GABBR2: variants seen among roughly 807,000 people sequenced by gnomAD.
The protein encoded by GABBR2 is G-protein coupled receptor 51.
In GABBR2, 23 loss-of-function variants were observed where a neutral mutation model predicts 105.6. That is an observed-to-expected ratio of 0.22 (90% CI 0.16 to 0.31). The LOEUF is 0.31. Ranked by LOEUF, GABBR2 falls within the 10% of genes least tolerant of loss-of-function variation. The probability of loss-of-function intolerance (pLI) is 1.00; values close to 1 mark genes in which losing one functional copy is unlikely to be tolerated. For missense variants in GABBR2, 734 were observed against 1,245.5 expected, an observed-to-expected ratio of 0.59 and a Z score of 6.18; for synonymous variants, 478 against 499.7, an observed-to-expected ratio of 0.96 and a Z score of 0.58.
intron 2 of GABBR2, among the ~76,000 whole-genome samples, chr9:98,561,172 T>C (rs1380786113): frequency 6.6e-6 from 1 of 152,204 alleles, no homozygotes; most frequent in African/African-American, 2.4e-5. Context: ...CAATATGGAC[T>C]TTTTAAGAAT....
At chr9:98,504,949 T>G (rs11789969) in intron 3 of GABBR2, among the ~76,000 whole-genome samples, 1 of 151,984 alleles carries the variant, frequency 6.6e-6, no homozygotes, top group Non-Finnish European at 1.5e-5. Context: ...CCTGGAGAGG[T>G]GTAGACCAAA....
intron 12 of GABBR2, among the ~76,000 whole-genome samples, chr9:98,366,141 T>C (rs1831672031): frequency 6.6e-6 from 1 of 152,216 alleles, no homozygotes; most frequent in Admixed American, 6.5e-5. Flanking sequence ...TTTCCTCATC[T>C]AGAACATGGG....
At chr9:98,616,055 A>AT (rs1829578358) in intron 1 of GABBR2, among the ~76,000 whole-genome samples, 2 of 152,244 alleles carry the variant, frequency 1.3e-5, no homozygotes, top group East Asian at 3.8e-4. Context: ...ATAAATTACT[A>AT]TTTCCATCTT....
intron 1 of GABBR2, among the ~76,000 whole-genome samples, chr9:98,587,499 A>G (rs1027564743): frequency 6.6e-6 from 1 of 152,236 alleles, no homozygotes; most frequent in Non-Finnish European, 1.5e-5. Context: ...CAACCAAAAG[A>G]TGAATCAAAA....
At chr9:98,641,355 C>T (rs2131837188) in intron 1 of GABBR2, among the ~76,000 whole-genome samples, 1 of 148,510 alleles carries the variant, frequency 6.7e-6, no homozygotes, top group Non-Finnish European at 1.5e-5. Flanking sequence ...TCAGGCTGGT[C>T]TCGAACTCCT....
At chr9:98,427,357 T>C (rs1288379410) in intron 7 of GABBR2, among the ~76,000 whole-genome samples, 2 of 152,240 alleles carry the variant, frequency 1.3e-5, no homozygotes, top group South Asian at 2.1e-4. Context: ...CGTGAACTGC[T>C]AGAGAATTCA....
At chr9:98,291,091 G>A (rs1292699031) in intron 18 of GABBR2, among the ~76,000 whole-genome samples, 1 of 152,154 alleles carries the variant, frequency 6.6e-6, no homozygotes, top group East Asian at 1.9e-4. Context: ...TAAACCCATT[G>A]TAAGTTGAAA....
At chr9:98,660,501 T>C (rs529488878) in intron 1 of GABBR2, among the ~76,000 whole-genome samples, 2 of 152,380 alleles carry the variant, frequency 1.3e-5, no homozygotes, top group African/African-American at 4.8e-5. Flanking sequence ...ACTGCCTTTA[T>C]TGGCCAATTG....
intron 2 of GABBR2, among the ~76,000 whole-genome samples, chr9:98,565,955 C>T (rs931041388): frequency 6.6e-6 from 1 of 152,202 alleles, no homozygotes; most frequent in Non-Finnish European, 1.5e-5. Context: ...CACATGCACC[C>T]GTGTGTCTGT....
intron 1 of GABBR2, among the ~76,000 whole-genome samples, chr9:98,641,358 G>A (rs1321693815): frequency 2.0e-5 from 3 of 148,702 alleles, no homozygotes; most frequent in Non-Finnish European, 4.4e-5. Flanking sequence ...GGCTGGTCTC[G>A]AACTCCTGAC....
chr9:98,554,030 G>A (rs1414063259), intron 2 of GABBR2, among the ~76,000 whole-genome samples: 1 of 152,166 alleles, frequency 6.6e-6, no homozygotes, highest in Non-Finnish European at 1.5e-5. Context: ...GATGTTCAGA[G>A]AGGTGACTTA....
At chr9:98,606,991 G>T (rs935800248) in intron 1 of GABBR2, 1 of 850,698 alleles carries the variant, frequency 1.2e-6, no homozygotes, top group Non-Finnish European at 2.0e-6. Flanking sequence ...GCCCCATGTC[G>T]CTCGGTAGCT....
intron 2 of GABBR2, among the ~76,000 whole-genome samples, chr9:98,572,861 C>A (rs1043054483): frequency 1.3e-5 from 2 of 152,166 alleles, no homozygotes; most frequent in Non-Finnish European, 2.9e-5. Context: ...AGTTCCAAGC[C>A]CCCCCAGCAT....
At chr9:98,396,544 G>A (rs1175558234) in intron 8 of GABBR2, among the ~76,000 whole-genome samples, 8 of 152,190 alleles carry the variant, frequency 5.3e-5, no homozygotes, top group African/African-American at 1.2e-4. Context: ...ATCACACTGC[G>A]CAAGCGGCTG....
intron 7 of GABBR2, among the ~76,000 whole-genome samples, chr9:98,435,411 A>G (rs1205446744): frequency 1.3e-5 from 2 of 152,194 alleles, no homozygotes; most frequent in African/African-American, 4.8e-5. Context: ...GTAAAACACC[A>G]AGCCCTATCA....
intron 7 of GABBR2, among the ~76,000 whole-genome samples, chr9:98,440,885 CT>C (rs1055471079): frequency 6.6e-6 from 1 of 152,200 alleles, no homozygotes; most frequent in Non-Finnish European, 1.5e-5. Context: ...AACTTCCTTC[CT>C]GCTTAGCAAG....
intron 8 of GABBR2, among the ~76,000 whole-genome samples, chr9:98,402,197 G>A (rs1832406320): frequency 6.6e-6 from 1 of 152,094 alleles, no homozygotes; most frequent in Non-Finnish European, 1.5e-5. Flanking sequence ...CGGTGAGTTG[G>A]AGCGGCAGAT....
chr9:98,440,531 A>G (rs1826013838), intron 7 of GABBR2, among the ~76,000 whole-genome samples: 1 of 152,016 alleles, frequency 6.6e-6, no homozygotes, highest in South Asian at 2.1e-4. Context: ...TACAATTTAC[A>G]ATGCCCCAAC....
intron 11 of GABBR2, among the ~76,000 whole-genome samples, chr9:98,384,138 G>A (rs1008655234): frequency 2.6e-5 from 4 of 152,164 alleles, no homozygotes; most frequent in African/African-American, 7.2e-5. Flanking sequence ...GGTCTTCCAG[G>A]CAGGGGACTG....
Sources: allele counts gnomAD v4.1 joint callset (sites outside exome capture counted in the v4.1 genomes callset), GRCh38; gene constraint gnomAD v4.1.1; transcripts MANE v1.5; gene names NCBI Gene and HGNC (gene_info 2026-07-23, HGNC 2026-07-21).